The following RELL1 variants were observed in gnomAD, a reference collection of about 807,000 sequenced individuals.
RELL1 encodes RELT like 1.
RELL1 carries 10 observed loss-of-function variants against 23.0 expected under a neutral mutation model. That is an observed-to-expected ratio of 0.43 (90% CI 0.27 to 0.74). RELL1 has a LOEUF of 0.74. RELL1 is among the 30% of genes least tolerant of loss of function. RELL1 has a pLI of 0.19. For missense variants in RELL1, 315 were observed against 364.4 expected (o/e 0.86, Z 1.10); for synonymous variants, 146 against 146.8 (o/e 0.99, Z 0.04).
At chr4:37,650,600 A>C (rs2109284460) in intron 1 of RELL1, among the ~76,000 whole-genome samples, 1 of 152,264 alleles carries the variant, frequency 6.6e-6, no homozygotes, top group East Asian at 1.9e-4. Context: ...GACTTCAAGA[A>C]TAGGGAAGCT....
intron 6 of RELL1, among the ~76,000 whole-genome samples, chr4:37,602,127 G>C (rs1309102770): frequency 6.6e-6 from 1 of 151,074 alleles, no homozygotes; most frequent in Non-Finnish European, 1.5e-5. Context: ...TCAGGTGGGA[G>C]GATTGCTTGA....
At chr4:37,608,928 GCCAGTT>G (rs1201357170), downstream of RELL1, among the ~76,000 whole-genome samples, 1 of 152,190 alleles carries the variant, frequency 6.6e-6, no homozygotes, top group Non-Finnish European at 1.5e-5. Context: ...ACTGCACCCA[GCCAGTT>G]CATAAGGATT....
chr4:37,606,154 AAG>A (rs1370791475), downstream of RELL1, among the ~76,000 whole-genome samples: 7 of 150,298 alleles, frequency 4.7e-5, no homozygotes, highest in African/African-American at 1.7e-4. The surrounding 1 kb of genome is among the most constrained non-coding windows in gnomAD (Gnocchi z 4.1). Flanking sequence ...GAGAGAGAGA[AAG>A]AAAAGAAAGA....
At chr4:37,669,839 G>GCATGCT (rs1463825986) in intron 1 of RELL1, among the ~76,000 whole-genome samples, 5 of 151,696 alleles carry the variant, frequency 3.3e-5, no homozygotes, top group African/African-American at 9.7e-5. Flanking sequence ...CTTGAAGGCA[G>GCATGCT]CATGCTCGTT....
intron 3 of RELL1, among the ~76,000 whole-genome samples, chr4:37,646,710 T>C (rs1269979136): frequency 6.6e-6 from 1 of 152,020 alleles, no homozygotes; most frequent in Admixed American, 6.6e-5. Context: ...GTGAAGTAAA[T>C]ATTATTATTA....
downstream of RELL1, chr4:37,590,689 A>C (rs1194351793): frequency 1.2e-6 from 2 of 1,614,030 alleles, no homozygotes; most frequent in Non-Finnish European, 8.5e-7. Context: ...CAAGAACCAT[A>C]CTGAGGATGA....
intron 6 of RELL1, among the ~76,000 whole-genome samples, chr4:37,602,784 G>A (rs1278839041): frequency 6.6e-6 from 1 of 152,114 alleles, no homozygotes; most frequent in African/African-American, 2.4e-5. Flanking sequence ...GGTGAGTGTG[G>A]GGCTCAAACG....
intron 4 of RELL1, among the ~76,000 whole-genome samples, chr4:37,635,705 A>T (rs1297763740): frequency 6.6e-6 from 1 of 152,228 alleles, no homozygotes; most frequent in Non-Finnish European, 1.5e-5. Context: ...TAATAGTGAT[A>T]CACTGGCTTT....
At chr4:37,606,540 G>A (rs1038845718), downstream of RELL1, among the ~76,000 whole-genome samples, 2 of 152,222 alleles carry the variant, frequency 1.3e-5, no homozygotes, top group African/African-American at 4.8e-5. The surrounding 1 kb of genome is among the most constrained non-coding windows in gnomAD (Gnocchi z 4.1). Context: ...CCCAATGCCT[G>A]GTGTCCTTGT....
At chr4:37,588,719 TA>T (rs1178997057), downstream of RELL1, 11 of 662,006 alleles carry the variant, frequency 1.7e-5, no homozygotes, top group East Asian at 3.0e-4. Context: ...ACGTGGTAGT[TA>T]TCCTTTTGCC....
At chr4:37,672,264 T>A (rs1396804) in intron 1 of RELL1, among the ~76,000 whole-genome samples, 150,266 of 152,172 alleles carry the variant, frequency 0.99, 74,218 homozygotes, top group East Asian at 1. Context: ...CCCCATCCCG[T>A]AGCTACCTGG....
At chr4:37,595,469 TTTG>T (rs1718802338) in intron 6 of RELL1, among the ~76,000 whole-genome samples, 1 of 151,934 alleles carries the variant, frequency 6.6e-6, no homozygotes, top group Non-Finnish European at 1.5e-5. Context: ...TCAATACATA[TTTG>T]TTGATTGAAA....
chr4:37,598,284 A>AAAG (rs869260737), intron 6 of RELL1, among the ~76,000 whole-genome samples: 1,961 of 116,944 alleles, frequency 0.017, 175 homozygotes, highest in African/African-American at 0.039. Context: ...AAAAAAAAAA[A>AAAG]GTTTATAGGA....
At chr4:37,609,400 A>G (rs746817730), downstream of RELL1, among the ~76,000 whole-genome samples, 2 of 152,248 alleles carry the variant, frequency 1.3e-5, no homozygotes, top group Non-Finnish European at 2.9e-5. Context: ...CAGTTACCCA[A>G]GAGCTCTTAT....
chr4:37,590,906 A>T (rs754531707), exon 7 of RELL1: 3 of 1,614,206 alleles, frequency 1.9e-6, no homozygotes, highest in Non-Finnish European at 1.7e-6. Context: ...GGAGATGGGG[A>T]TGGGGAGATT....
chr4:37,588,736 G>A, downstream of RELL1: 4 of 755,004 alleles, frequency 5.3e-6, no homozygotes, highest in East Asian at 2.6e-5. Context: ...TTGCCAAAAT[G>A]TGTGACTCTC....
Position 37,649,247 on chromosome 4 carries a change from C to A in RELL1, c.313+29G>T. On this transcript the variant is annotated intron_variant, in intron 2 of 6. Coordinates refer to ENST00000454158, the MANE Select transcript of RELL1 (RefSeq NM_001085400.2). ...TCATATTTAAAAACTGTCTCCTCAC[C>A]CCCAATAAAAAGAGCCCTGGTTATT... The A allele has an allele frequency of 2.6e-6, 4 of 1,554,512 alleles. No homozygotes were observed. In the South Asian group the frequency reaches 4.5e-5, roughly 17 times the overall value.
intron 1 of RELL1, among the ~76,000 whole-genome samples, chr4:37,684,478 T>A (rs1722332493): frequency 6.6e-6 from 1 of 152,230 alleles, no homozygotes; most frequent in Non-Finnish European, 1.5e-5. Context: ...TTTCTCCTGC[T>A]GATGATGGCT....
intron 6 of RELL1, among the ~76,000 whole-genome samples, chr4:37,625,611 AG>A (rs1426384001): frequency 6.6e-6 from 1 of 152,238 alleles, no homozygotes; most frequent in Non-Finnish European, 1.5e-5. Flanking sequence ...TAGGAGGAAT[AG>A]GCCATCAAAT....
Sources: allele counts gnomAD v4.1 joint callset (sites outside exome capture counted in the v4.1 genomes callset), GRCh38; gene constraint gnomAD v4.1.1; non-coding constraint Gnocchi (gnomAD v3.1); transcripts MANE v1.5; gene names NCBI Gene and HGNC (gene_info 2026-07-23, HGNC 2026-07-21).